Variants in PLCG2 observed in about 807,000 individuals in gnomAD.
PLCG2 encodes the protein phospholipase C gamma 2.
A neutral mutation model predicts 175.6 loss-of-function variants in PLCG2; 69 were observed. That is an observed-to-expected ratio of 0.39 (90% CI 0.32 to 0.48). PLCG2 has a LOEUF of 0.48. PLCG2 is among the 20% of genes least tolerant of loss of function. PLCG2 has a pLI of 0.91. For synonymous variants in PLCG2, 827 were observed against 624.0 expected, an observed-to-expected ratio of 1.33 and a Z score of -4.85; for missense variants, 1,798 against 1,650.9, an observed-to-expected ratio of 1.09 and a Z score of -1.54.
Position 81,886,265 on chromosome 16 carries a change from G to T in PLCG2, c.766-2907G>T, listed in dbSNP as rs574693197. Among the ~76,000 whole-genome samples, 488 of 152,318 alleles carry T rather than the reference G, an allele frequency of 3.2e-3. 3 individuals carry two copies. The highest frequency in any genetic ancestry group is 6.8e-3 in the Middle Eastern group (2 of 294). On this transcript the variant is annotated intron_variant, in intron 9 of 32. Coordinates refer to ENST00000564138, the MANE Select transcript of PLCG2 (RefSeq NM_002661.5). Reference sequence around the variant, plus strand: ...GGCTGCCCTTAGAGATCAGGGATCTGGGGCCAGGAGAAAGTGTAGGAAATC... The same window carrying T: ...GGCTGCCCTTAGAGATCAGGGATCTTGGGCCAGGAGAAAGTGTAGGAAATC...
chr16:81,938,581 T>G, intron 28 of PLCG2: 1 of 560,134 alleles, frequency 1.8e-6, no homozygotes, highest in Admixed American at 3.2e-5. Context: ...TCAGGTGGCA[T>G]ATGGGGCCGA....
chr16:81,945,182 T>G (rs1187035566), intron 30 of PLCG2, among the ~76,000 whole-genome samples: 1 of 152,160 alleles, frequency 6.6e-6, no homozygotes, highest in African/African-American at 2.4e-5. Flanking sequence ...TGTTTGAAGG[T>G]GATAAAGCAA....
chr16:81,933,440 T>C (rs940114639), intron 25 of PLCG2, among the ~76,000 whole-genome samples: 5 of 152,204 alleles, frequency 3.3e-5, no homozygotes, highest in Non-Finnish European at 5.9e-5. Context: ...ACCTCATTGA[T>C]GGCAGAGGGC....
At chr16:81,770,650 G>T (rs916032802) in intron 2 of PLCG2, among the ~76,000 whole-genome samples, 5 of 152,140 alleles carry the variant, frequency 3.3e-5, no homozygotes, top group Non-Finnish European at 7.4e-5. Context: ...GGCGGAGAGG[G>T]CAGAGGTTGC....
intron 12 of PLCG2, 125 bp downstream of exon 12, chr16:81,893,919 A>G (rs1597113608): frequency 1.8e-6 from 1 of 549,382 alleles, no homozygotes; most frequent in Non-Finnish European, 3.2e-6. Flanking sequence ...GTGCATATTT[A>G]TGGAGTTAGA....
chr16:81,962,340 T>C lies in PLCG2; in HGVS notation c.*4342T>C, dbSNP rs1911808440. The C allele has an allele frequency of 4.8e-6, 1 of 207,170 alleles. No individual in the cohort carries two copies. The allele number at this position is 207,170 out of a possible 1,614,324, so 12.8% of individuals were successfully genotyped here. A position where few individuals can be genotyped will look rare whatever the true frequency, so the allele number is the denominator to read the frequency against. Reference sequence around the variant, plus strand: ...TATCTTCTAACCAACAAAAAGTTAATAATTAGATTTGGAATTATACAGAAT... The same window carrying C: ...TATCTTCTAACCAACAAAAAGTTAACAATTAGATTTGGAATTATACAGAAT... On this transcript the variant is annotated 3_prime_UTR_variant, in exon 33 of 33. Coordinates refer to ENST00000564138, the MANE Select transcript of PLCG2 (RefSeq NM_002661.5).
chr16:81,919,511 C>T lies in PLCG2; in HGVS notation c.2082C>T (p.Arg694=), dbSNP rs1597132152. ...CTAGGGGCAAGGTAAAGCATTGTCGCATCAACCGGGACGGCCGGCACTTTG... is the reference window on the plus strand; with the variant it reads ...CTAGGGGCAAGGTAAAGCATTGTCGTATCAACCGGGACGGCCGGCACTTTG... The part of the protein sequence containing the change: ...FRARGKVKHC[R]INRDGRHFVL... Residue 694 remains arginine, a synonymous_variant, in exon 20 of 33, where the codon CGC becomes CGT. Coordinates refer to ENST00000564138, the MANE Select transcript of PLCG2 (RefSeq NM_002661.5). 1.9e-6 allele frequency: 3 copies of T among 1,614,074 alleles called. No homozygotes were observed. The highest frequency in any genetic ancestry group is 1.7e-6 in the Non-Finnish European group (2 of 1,179,984).
chr16:81,866,842 C>G (rs1030342033), intron 5 of PLCG2, among the ~76,000 whole-genome samples: 8 of 152,262 alleles, frequency 5.3e-5, no homozygotes, highest in African/African-American at 1.9e-4. Flanking sequence ...CCTGTTCCCA[C>G]TGCTCCTCCA....
At chr16:81,794,215 A>C (rs965810243) in intron 2 of PLCG2, among the ~76,000 whole-genome samples, 1 of 152,136 alleles carries the variant, frequency 6.6e-6, no homozygotes, top group Non-Finnish European at 1.5e-5. Flanking sequence ...AAGGGTGCCG[A>C]AGTGAGAGTT....
chr16:81,793,313 C>T (rs117360379), intron 2 of PLCG2, among the ~76,000 whole-genome samples: 660 of 152,268 alleles, frequency 4.3e-3, no homozygotes, highest in Middle Eastern at 0.014. Context: ...TCTGAGGGAC[C>T]TAGTTGAGCA....
At chr16:81,751,049 T>G (rs1344439374) in intron 1 of PLCG2, among the ~76,000 whole-genome samples, 1 of 144,392 alleles carries the variant, frequency 6.9e-6, no homozygotes, top group African/African-American at 2.6e-5. Flanking sequence ...AGTGCAATCT[T>G]GGCTCACTAC....
At chr16:81,763,632 C>T (rs146567531) in intron 2 of PLCG2, among the ~76,000 whole-genome samples, 1 of 152,344 alleles carries the variant, frequency 6.6e-6, no homozygotes, top group Admixed American at 6.5e-5. Context: ...AGCTGTCACA[C>T]ATTGTCCCTT....
At chr16:81,776,536 G>A (rs1185806585), upstream of PLCG2, among the ~76,000 whole-genome samples, 1 of 152,142 alleles carries the variant, frequency 6.6e-6, no homozygotes, top group African/African-American at 2.4e-5. Flanking sequence ...CCAGAACAGC[G>A]CCTGCCGCCT....
intron 9 of PLCG2, among the ~76,000 whole-genome samples, chr16:81,885,248 TCCTGGCCTCAGGTGATCCACCCGC>T (rs751104105): frequency 2.4e-4 from 36 of 152,178 alleles, no homozygotes; most frequent in Non-Finnish European, 4.7e-4. Flanking sequence ...GGTCTTGAAC[TCCTGGCCTCAGGTGATCCACCCGC>T]CTTGGCCTCC....
intron 2 of PLCG2, among the ~76,000 whole-genome samples, chr16:81,770,490 G>A (rs1403178521): frequency 6.6e-6 from 1 of 152,148 alleles, no homozygotes; most frequent in Non-Finnish European, 1.5e-5. Context: ...AGGTGGGAGA[G>A]TCGTTTGAGC....
chr16:81,750,394 T>A (rs1333560762), intron 1 of PLCG2, among the ~76,000 whole-genome samples: 1 of 125,776 alleles, frequency 8.0e-6, no homozygotes, highest in African/African-American at 3.1e-5. Context: ...CACTCCAGCC[T>A]GGGTGGTGAT....
At chr16:81,780,528 G>T (rs186008553) in intron 1 of PLCG2, among the ~76,000 whole-genome samples, 3 of 152,164 alleles carry the variant, frequency 2.0e-5, no homozygotes, top group African/African-American at 7.2e-5. Context: ...AGGTGTGTGT[G>T]CAGTCACGTG....
intron 2 of PLCG2, among the ~76,000 whole-genome samples, chr16:81,802,305 G>C (rs904786584): frequency 1.3e-5 from 2 of 149,688 alleles, no homozygotes; most frequent in African/African-American, 4.9e-5. Flanking sequence ...GTAGAGATGG[G>C]GTTTCACCGT....
At position 81,772,095 on chromosome 16, in the gene PLCG2, C is replaced by A. The variant is rs572641870; in HGVS notation, c.-47-13848C>A. ...ACTGGTGCAAGGCTGGAAATAGGGT[C>A]TTTATGGAGGTAATTAAGTTAAGGA... On this transcript the variant is annotated intron_variant, in intron 2 of 5. Coordinates refer to the PLCG2 transcript ENST00000565054. 2.0e-5 allele frequency among the ~76,000 whole-genome samples: 3 copies of A among 152,074 alleles called. No individual in the cohort carries two copies. In the East Asian group the frequency reaches 5.8e-4, roughly 29 times the overall value.
Sources: gnomAD v4.1 joint callset for allele counts (sites outside exome capture counted in the v4.1 genomes callset) on GRCh38, gnomAD v4.1.1 for gene constraint, MANE v1.5 for transcripts, NCBI Gene and HGNC (gene_info 2026-07-23, HGNC 2026-07-21) for gene names.